Variants in ADAMTS3 observed in about 807,000 individuals in gnomAD.
ADAMTS3 encodes the protein ADAM metallopeptidase with thrombospondin type 1 motif 3, also known as A disintegrin and metalloproteinase with thrombospondin motifs 3.
ADAMTS3 carries 73 observed loss-of-function variants against 129.0 expected under a neutral mutation model. That is an observed-to-expected ratio of 0.57 (90% CI 0.47 to 0.69). The LOEUF (loss-of-function observed/expected upper bound fraction) is 0.69, where lower values mean the gene tolerates loss of function less well. Ranked by LOEUF, ADAMTS3 falls within the 30% of genes least tolerant of loss-of-function variation. The pLI is 0.00. For missense variants in ADAMTS3, 1,457 were observed against 1,514.5 expected, an observed-to-expected ratio of 0.96 and a Z score of 0.63; for synonymous variants, 477 against 510.8, an observed-to-expected ratio of 0.93 and a Z score of 0.89.
Position 72,304,014 on chromosome 4 carries a change from G to C in ADAMTS3, c.2327C>G (p.Thr776Ser). The change falls in exon 17 of 22, where the codon ACC (threonine) becomes AGC (serine). Residue 776 changes from threonine (T) to serine (S), a missense_variant. Thr to Ser is a moderately conservative substitution (Grantham distance 58). Transcript: ENST00000286657. ...NGKGEEAKSR[T>S]FIDLGVEWDY... ...CCACTCCACACCAAGATCTATGAAG[G>C]TCCGCGACTTGGCTTCCTCCCCTTT... is the stretch of plus-strand genomic sequence containing the variant. 6.2e-7 allele frequency: 1 copy of C among 1,613,670 alleles called. No individual in the cohort carries two copies. The highest frequency in any genetic ancestry group is 8.5e-7 in the Non-Finnish European group (1 of 1,179,748).
At chr4:72,552,011 A>G (rs1391512888) in intron 2 of ADAMTS3, among the ~76,000 whole-genome samples, 1 of 152,222 alleles carries the variant, frequency 6.6e-6, no homozygotes, top group Non-Finnish European at 1.5e-5. Flanking sequence ...TGGAGGAAGA[A>G]ACTGGAAGGA....
At chr4:72,315,746 T>C in intron 11 of ADAMTS3, 112 bp downstream of exon 11, 1 of 671,958 alleles carries the variant, frequency 1.5e-6, no homozygotes, top group Non-Finnish European at 2.5e-6. Context: ...CCTTGCATAC[T>C]ATGGTTTTCA....
rs138890297 is a variant in ADAMTS3, at chr4:72,374,548, T to C, written c.662-34855A>G. On this transcript the variant is annotated intron_variant, in intron 4 of 21. Coordinates refer to ENST00000286657, the MANE Select transcript of ADAMTS3 (RefSeq NM_014243.3). ...GTACAAGTTGTCACTAATTATTAAC[T>C]AGTCAATATGAAAATAAACCCTTCC... Among the ~76,000 whole-genome samples, 406 of 152,314 alleles carry C rather than the reference T, an allele frequency of 2.7e-3. 1 individual carries two copies. Among genetic ancestry groups the C allele is most frequent in the African/African-American group, 9.6e-3 (400 of 41,576 alleles).
chr4:72,541,662 G>GT (rs905555329), intron 3 of ADAMTS3, among the ~76,000 whole-genome samples: 11 of 152,240 alleles, frequency 7.2e-5, no homozygotes, highest in South Asian at 4.2e-4. Context: ...TTCCCATGCT[G>GT]TTTTTGTGAT....
chr4:72,514,852 T>G (rs1720416007), intron 3 of ADAMTS3, among the ~76,000 whole-genome samples: 1 of 152,182 alleles, frequency 6.6e-6, no homozygotes, highest in Non-Finnish European at 1.5e-5. Flanking sequence ...ATTATTATTA[T>G]ACTTTAAGTT....
At chr4:72,520,406 C>T (rs1237680812) in intron 3 of ADAMTS3, among the ~76,000 whole-genome samples, 2 of 152,204 alleles carry the variant, frequency 1.3e-5, no homozygotes, top group Non-Finnish European at 1.5e-5. Flanking sequence ...GCAGAGGTTA[C>T]TGCTGTCTTT....
At chr4:72,412,692 G>A (rs1214998564) in intron 4 of ADAMTS3, among the ~76,000 whole-genome samples, 1 of 152,008 alleles carries the variant, frequency 6.6e-6, no homozygotes, top group Admixed American at 6.6e-5. Context: ...AACATTTTAA[G>A]AGAACTGAAT....
At chr4:72,567,713 T>C (rs1722053136) in intron 1 of ADAMTS3, among the ~76,000 whole-genome samples, 1 of 152,190 alleles carries the variant, frequency 6.6e-6, no homozygotes, top group African/African-American at 2.4e-5. Context: ...GAAAAGAAAG[T>C]ATGAATTTAA....
intron 3 of ADAMTS3, among the ~76,000 whole-genome samples, chr4:72,437,797 T>C (rs1023918244): frequency 1.3e-5 from 2 of 151,794 alleles, no homozygotes; most frequent in African/African-American, 4.8e-5. Context: ...CTTTCTGATC[T>C]CAAAACTGCT....
intron 3 of ADAMTS3, among the ~76,000 whole-genome samples, chr4:72,425,225 A>G (rs778155446): frequency 4.6e-5 from 7 of 152,198 alleles, no homozygotes; most frequent in Non-Finnish European, 7.3e-5. Context: ...TAGGAAAATG[A>G]CAATTCATAA....
In ADAMTS3 at chr4:72,401,492, G is replaced by T. The variant is rs909579951; in HGVS notation, c.661+13323C>A. On this transcript the variant is annotated intron_variant, in intron 4 of 21. Coordinates refer to ENST00000286657, the MANE Select transcript of ADAMTS3 (RefSeq NM_014243.3). ...TGAGGTAGGAGAATCACTTGAACTGGGGGGGTGGAGGTTGCAGTGGGCTGA... is the reference window on the plus strand; with the variant it reads ...TGAGGTAGGAGAATCACTTGAACTGTGGGGGTGGAGGTTGCAGTGGGCTGA... Among the ~76,000 whole-genome samples, 6 of 150,114 alleles carry T rather than the reference G, an allele frequency of 4.0e-5. No individual in the cohort carries two copies. In the East Asian group the frequency reaches 9.8e-4, roughly 24 times the overall value.
intron 4 of ADAMTS3, among the ~76,000 whole-genome samples, chr4:72,364,023 T>TA (rs1007167931): frequency 3.3e-5 from 5 of 152,160 alleles, no homozygotes; most frequent in East Asian, 3.9e-4. Context: ...CTTTAATATT[T>TA]AAAAAAACAC....
intron 2 of ADAMTS3, among the ~76,000 whole-genome samples, chr4:72,563,189 G>A (rs1721945754): frequency 6.6e-6 from 1 of 152,172 alleles, no homozygotes; most frequent in Non-Finnish European, 1.5e-5. Context: ...TTGTGATAAT[G>A]GTGATACATA....
chr4:72,465,852 T>G lies in ADAMTS3; in HGVS notation c.505-50881A>C, dbSNP rs143596063. ...ATGGTAGTGAATAAGTCTCATGAGA[T>G]CTAATGGTTTTATAAATGGGAGTTT... On this transcript the variant is annotated intron_variant, in intron 3 of 21. Transcript: ENST00000286657. 2.2e-3 allele frequency among the ~76,000 whole-genome samples: 337 copies of G among 152,060 alleles called. 1 individual carries two copies. The highest frequency in any genetic ancestry group is 3.8e-3 in the Non-Finnish European group (255 of 67,942).
intron 3 of ADAMTS3, among the ~76,000 whole-genome samples, chr4:72,448,602 T>A (rs1214739052): frequency 1.3e-5 from 2 of 151,734 alleles, no homozygotes; most frequent in Non-Finnish European, 2.9e-5. Context: ...TATGGCATTA[T>A]CAATAATAGG....
At chr4:72,287,801 C>T (rs1718550377) in intron 21 of ADAMTS3, among the ~76,000 whole-genome samples, 1 of 152,062 alleles carries the variant, frequency 6.6e-6, no homozygotes. Context: ...GGATAGAGAG[C>T]TATGGAAATG....
chr4:72,516,979 A>G (rs1720502992), intron 3 of ADAMTS3, among the ~76,000 whole-genome samples: 1 of 152,170 alleles, frequency 6.6e-6, no homozygotes, highest in South Asian at 2.1e-4. Flanking sequence ...GAGTTTGCAT[A>G]GATAGCTCTT....
intron 3 of ADAMTS3, among the ~76,000 whole-genome samples, chr4:72,520,935 G>A (rs566764352): frequency 7.2e-5 from 11 of 152,022 alleles, no homozygotes; most frequent in Middle Eastern, 3.4e-3. Flanking sequence ...CTTCTGCATC[G>A]CTCACGCTGG....
At chr4:72,286,215 C>G (rs955027010) in intron 21 of ADAMTS3, among the ~76,000 whole-genome samples, 6 of 152,178 alleles carry the variant, frequency 3.9e-5, no homozygotes, top group African/African-American at 1.4e-4. Context: ...ACAGCTGTAC[C>G]AGCTCCAAGA....
Sources: allele counts gnomAD v4.1 joint callset (sites outside exome capture counted in the v4.1 genomes callset), GRCh38; gene constraint gnomAD v4.1.1; transcripts MANE v1.5; gene names NCBI Gene and HGNC (gene_info 2026-07-23, HGNC 2026-07-21).